ZBTB20: variants seen among roughly 807,000 people sequenced by gnomAD.
The protein encoded by ZBTB20 is zinc finger and BTB domain containing 20, also known as zinc finger and BTB domain-containing protein 20.
A neutral mutation model predicts 56.9 loss-of-function variants in ZBTB20; 9 were observed. That is an observed-to-expected ratio of 0.16 (90% CI 0.10 to 0.28). The LOEUF (loss-of-function observed/expected upper bound fraction) is 0.28. Among genes scored for constraint, ZBTB20 ranks in the 10% least tolerant of loss-of-function variants. The pLI, the probability that ZBTB20 is intolerant of heterozygous loss-of-function variation, is 1.00. For missense variants in ZBTB20, 655 were observed against 1,003.0 expected (o/e 0.65, Z 4.69); for synonymous variants, 417 against 420.7 (o/e 0.99, Z 0.11).
chr3:114,431,223 C>A (rs947448130), intron 7 of ZBTB20, among the ~76,000 whole-genome samples: 1 of 151,998 alleles, frequency 6.6e-6, no homozygotes, highest in Non-Finnish European at 1.5e-5. Flanking sequence ...GAAAGTGAAA[C>A]GATGAAAAGG....
At chr3:114,783,299 A>G (rs2070249771) in intron 5 of ZBTB20, among the ~76,000 whole-genome samples, 1 of 152,116 alleles carries the variant, frequency 6.6e-6, no homozygotes, top group Admixed American at 6.6e-5. Context: ...TTGACCTTGA[A>G]TTTCTTCTGA....
intron 5 of ZBTB20, among the ~76,000 whole-genome samples, chr3:114,742,494 C>G (rs554799197): frequency 4.0e-4 from 61 of 152,234 alleles, no homozygotes; most frequent in African/African-American, 1.4e-3. Flanking sequence ...ATCCATACCA[C>G]AAGCCAGGTA....
intron 3 of ZBTB20, among the ~76,000 whole-genome samples, chr3:114,906,904 G>A (rs967312183): frequency 6.6e-6 from 1 of 151,764 alleles, no homozygotes. Context: ...ATTTCAACAT[G>A]ATACAAAAAC....
rs1179742469 is a variant in ZBTB20, at chr3:114,350,390, G to A, written c.1688C>T (p.Ser563Phe). 8 of 1,614,220 alleles carry A rather than the reference G, an allele frequency of 5.0e-6. No homozygotes were observed. The highest frequency in any genetic ancestry group is 6.8e-6 in the Non-Finnish European group (8 of 1,180,040). The stretch of plus-strand genomic sequence containing the variant: ...CCCACTGGCTGTGCTGTGGCCTGCG[G>A]ATGAGGCCAGGGGCTGTGGCGCTGG... ...QLPAPQPLAS[S>F]AGHSTASGQG... is the part of the protein sequence containing the mutation. The change falls in exon 11 of 12, where the codon TCC becomes TTC. Residue 563 changes from serine to phenylalanine, a missense_variant. Ser to Phe is a radical substitution (Grantham distance 155, BLOSUM62 -2). Coordinates refer to ENST00000675478, the MANE Select transcript of ZBTB20 (RefSeq NM_001348800.3).
intron 5 of ZBTB20, among the ~76,000 whole-genome samples, chr3:114,799,773 G>A (rs2071583839): frequency 6.6e-6 from 1 of 151,844 alleles, no homozygotes; most frequent in South Asian, 2.1e-4. Context: ...CATACACAAA[G>A]TGCCAAAGTC....
At chr3:114,596,986 G>A (rs1449057802) in intron 6 of ZBTB20, among the ~76,000 whole-genome samples, 1 of 152,084 alleles carries the variant, frequency 6.6e-6, no homozygotes, top group Non-Finnish European at 1.5e-5. Flanking sequence ...CTATTTCTGA[G>A]CAAAATACAG....
intron 10 of ZBTB20, among the ~76,000 whole-genome samples, chr3:114,376,216 G>A (rs1436699008): frequency 6.6e-6 from 1 of 152,130 alleles, no homozygotes; most frequent in Admixed American, 6.6e-5. Flanking sequence ...CTCAACTGTA[G>A]TTACAGGAAA....
intron 6 of ZBTB20, among the ~76,000 whole-genome samples, chr3:114,660,524 T>C (rs958226582): frequency 4.6e-5 from 7 of 152,158 alleles, no homozygotes; most frequent in African/African-American, 7.2e-5. Context: ...GGATTTTTTT[T>C]CCCCTTTAAA....
At chr3:114,825,446 G>A (rs1162597245) in intron 4 of ZBTB20, among the ~76,000 whole-genome samples, 2 of 151,816 alleles carry the variant, frequency 1.3e-5, no homozygotes, top group African/African-American at 2.4e-5. Context: ...ACTTTTAAAG[G>A]CATTTTAGAA....
intron 6 of ZBTB20, among the ~76,000 whole-genome samples, chr3:114,586,257 A>T (rs2107524013): frequency 6.6e-6 from 1 of 152,366 alleles, no homozygotes; most frequent in Admixed American, 6.5e-5. Context: ...CTGAATCATG[A>T]AATGAAGTCC....
At chr3:114,770,458 A>G (rs1411262056) in intron 5 of ZBTB20, among the ~76,000 whole-genome samples, 2 of 152,076 alleles carry the variant, frequency 1.3e-5, no homozygotes, top group Non-Finnish European at 2.9e-5. Flanking sequence ...TTAAAAAAAA[A>G]AAAAGGAACT....
chr3:114,373,354 G>A (rs1035258105), intron 10 of ZBTB20, among the ~76,000 whole-genome samples: 1 of 152,184 alleles, frequency 6.6e-6, no homozygotes, highest in Non-Finnish European at 1.5e-5. Flanking sequence ...CAGCTCAGCT[G>A]AATTATAACA....
In ZBTB20 at chr3:114,782,549, CT is replaced by C. The variant is rs201658735; in HGVS notation, c.-343+18551del. ...TTTTCCCCTTAACCATAATAACTTTCTTTTTTAAAAATGCATGAATATTTGA... is the reference window on the plus strand; with the variant it reads ...TTTTCCCCTTAACCATAATAACTTTCTTTTTAAAAATGCATGAATATTTGA... On this transcript the variant is annotated intron_variant, in intron 5 of 11. Transcript: ENST00000675478. 7.5e-3 allele frequency among the ~76,000 whole-genome samples: 1,135 copies of C among 152,056 alleles called. 9 individuals are homozygous for C. Among genetic ancestry groups the C allele is most frequent in the African/African-American group, 0.026 (1,081 of 41,466 alleles).
chr3:114,446,780 G>A (rs1358675897), intron 7 of ZBTB20, among the ~76,000 whole-genome samples: 1 of 152,032 alleles, frequency 6.6e-6, no homozygotes, highest in Non-Finnish European at 1.5e-5. Flanking sequence ...CTATTTTCCT[G>A]GACTGTATCA....
intron 6 of ZBTB20, among the ~76,000 whole-genome samples, chr3:114,513,992 A>G (rs976485999): frequency 1.5e-4 from 23 of 152,014 alleles, no homozygotes; most frequent in Non-Finnish European, 2.8e-4. Context: ...GTATGTGTTT[A>G]TGTATGTGTA....
intron 3 of ZBTB20, among the ~76,000 whole-genome samples, chr3:114,909,540 C>T (rs1466666521): frequency 6.6e-6 from 1 of 151,996 alleles, no homozygotes; most frequent in Non-Finnish European, 1.5e-5. Context: ...TAGGCCTTCA[C>T]ATTCATTAAC....
intron 2 of ZBTB20, among the ~76,000 whole-genome samples, chr3:115,030,906 T>C (rs372153070): frequency 6.6e-5 from 10 of 151,418 alleles, no homozygotes; most frequent in African/African-American, 2.4e-4. Flanking sequence ...TCATGCCTTA[T>C]CTAGGCAGAT....
intron 4 of ZBTB20, among the ~76,000 whole-genome samples, chr3:114,876,905 G>A (rs1310962443): frequency 6.6e-6 from 1 of 152,036 alleles, no homozygotes; most frequent in African/African-American, 2.4e-5. Context: ...CCATAGTACA[G>A]TGTACTATTT....
chr3:114,560,017 T>A (rs1212397944), intron 6 of ZBTB20, among the ~76,000 whole-genome samples: 1 of 152,148 alleles, frequency 6.6e-6, no homozygotes, highest in African/African-American at 2.4e-5. Context: ...AATATATAAT[T>A]CTAAATGTAG....
Sources: gnomAD v4.1 joint callset for allele counts (sites outside exome capture counted in the v4.1 genomes callset) on GRCh38, gnomAD v4.1.1 for gene constraint, MANE v1.5 for transcripts, NCBI Gene and HGNC (gene_info 2026-07-23, HGNC 2026-07-21) for gene names.